The following CACNA2D3 variants were observed in gnomAD, a reference collection of about 807,000 sequenced individuals.
CACNA2D3 encodes calcium voltage-gated channel auxiliary subunit alpha2delta 3.
CACNA2D3 carries 60 observed loss-of-function variants against 160.6 expected under a neutral mutation model. The ratio of observed to expected loss-of-function variants is 0.37; its 90% CI spans 0.30 to 0.46. The LOEUF is 0.46. CACNA2D3 is among the 20% of genes least tolerant of loss of function. CACNA2D3 has a pLI of 1.00. For synonymous variants in CACNA2D3, 558 were observed against 492.9 expected, an observed-to-expected ratio of 1.13 and a Z score of -1.75; for missense variants, 1,205 against 1,365.0, an observed-to-expected ratio of 0.88 and a Z score of 1.85.
chr3:54,489,497 T>C (rs1030807177), intron 4 of CACNA2D3, among the ~76,000 whole-genome samples: 7 of 152,222 alleles, frequency 4.6e-5, no homozygotes, highest in African/African-American at 1.2e-4. Context: ...CAATCTAATA[T>C]TGTGTGCCAG....
intron 14 of CACNA2D3, among the ~76,000 whole-genome samples, chr3:54,817,637 A>G (rs745887755): frequency 3.9e-5 from 6 of 152,224 alleles, no homozygotes; most frequent in Non-Finnish European, 5.9e-5. Flanking sequence ...GAGTCAAGGT[A>G]GGGCACCCCC....
chr3:54,891,897 C>G lies in CACNA2D3; in HGVS notation c.2246+447C>G, dbSNP rs150695551. On this transcript the variant is annotated intron_variant, in intron 25 of 37. Transcript: ENST00000474759. ...TTTACATTTTACTAATAAACCTCTG[C>G]CTCTGTGCTTAGCCTGAGGGGCTGC... Among the ~76,000 whole-genome samples the G allele has an allele frequency of 3.6e-3, 544 of 152,330 alleles. 4 individuals carry two copies. Among genetic ancestry groups the G allele is most frequent in the African/African-American group, 0.012 (501 of 41,582 alleles).
At chr3:54,915,766 G>A (rs1700647872) in intron 27 of CACNA2D3, among the ~76,000 whole-genome samples, 1 of 152,216 alleles carries the variant, frequency 6.6e-6, no homozygotes, top group Admixed American at 6.5e-5. Context: ...TTCAGGGTAA[G>A]TAATTATTTT....
intron 4 of CACNA2D3, among the ~76,000 whole-genome samples, chr3:54,487,736 T>C (rs963447623): frequency 6.6e-6 from 1 of 152,220 alleles, no homozygotes; most frequent in African/African-American, 2.4e-5. Context: ...GGGCCTGTTG[T>C]TCAGTATGGT....
At chr3:54,416,787 CTA>C (rs1480168674) in intron 4 of CACNA2D3, among the ~76,000 whole-genome samples, 1 of 152,014 alleles carries the variant, frequency 6.6e-6, no homozygotes, top group Non-Finnish European at 1.5e-5. Context: ...AAATATATAA[CTA>C]TACAATTAAT....
At chr3:54,886,748 A>G (rs1165567638) in intron 23 of CACNA2D3, among the ~76,000 whole-genome samples, 1 of 151,864 alleles carries the variant, frequency 6.6e-6, no homozygotes, top group Non-Finnish European at 1.5e-5. Context: ...TATAATACAT[A>G]CAATATGTGT....
chr3:54,585,875 C>T (rs1308279223), intron 9 of CACNA2D3, among the ~76,000 whole-genome samples: 1 of 152,072 alleles, frequency 6.6e-6, no homozygotes, highest in African/African-American at 2.4e-5. Flanking sequence ...TTTAAGTGTT[C>T]TTAAGACCAT....
intron 14 of CACNA2D3, among the ~76,000 whole-genome samples, chr3:54,830,532 G>A (rs142788527): frequency 8.1e-4 from 121 of 149,292 alleles, no homozygotes; most frequent in African/African-American, 2.8e-3. Context: ...TGCTGCAACC[G>A]TCACCTCCTG....
At chr3:54,708,062 C>T in intron 11 of CACNA2D3, among the ~76,000 whole-genome samples, 1 of 151,984 alleles carries the variant, frequency 6.6e-6, no homozygotes, top group Non-Finnish European at 1.5e-5. Flanking sequence ...TATGGTCTGG[C>T]AAGGTAATTG....
At chr3:54,837,860 G>A (rs1003077249) in intron 15 of CACNA2D3, among the ~76,000 whole-genome samples, 2 of 152,238 alleles carry the variant, frequency 1.3e-5, no homozygotes, top group South Asian at 2.1e-4. Flanking sequence ...CTAAATCCAC[G>A]ATGATTTCAT....
intron 9 of CACNA2D3, among the ~76,000 whole-genome samples, chr3:54,587,590 A>C (rs935174937): frequency 6.6e-6 from 1 of 152,102 alleles, no homozygotes; most frequent in Non-Finnish European, 1.5e-5. Flanking sequence ...AAAAAATAAA[A>C]AGAGAGAAGA....
chr3:54,164,429 C>G, intron 2 of CACNA2D3, among the ~76,000 whole-genome samples: 1 of 152,242 alleles, frequency 6.6e-6, no homozygotes, highest in South Asian at 2.1e-4. Flanking sequence ...CACAGCTGCC[C>G]TGAGCTCCAC....
intron 4 of CACNA2D3, among the ~76,000 whole-genome samples, chr3:54,487,751 A>G (rs1701038550): frequency 6.6e-6 from 1 of 152,274 alleles, no homozygotes; most frequent in African/African-American, 2.4e-5. Context: ...TATGGTAGCC[A>G]CAAGCCATGG....
intron 11 of CACNA2D3, among the ~76,000 whole-genome samples, chr3:54,678,835 A>T (rs1700292425): frequency 6.6e-6 from 1 of 151,968 alleles, no homozygotes; most frequent in Admixed American, 6.6e-5. Flanking sequence ...TTAAATGATA[A>T]TGAATTAAAG....
chr3:54,745,617 G>T (rs1397794970), intron 11 of CACNA2D3, among the ~76,000 whole-genome samples: 1 of 152,192 alleles, frequency 6.6e-6, no homozygotes, highest in East Asian at 1.9e-4. Flanking sequence ...ACACCTTTAA[G>T]GATGTTTGCA....
chr3:54,135,383 A>G (rs553470822), intron 2 of CACNA2D3, among the ~76,000 whole-genome samples: 1 of 152,266 alleles, frequency 6.6e-6, no homozygotes, highest in South Asian at 2.1e-4. Flanking sequence ...AGTGGCCATC[A>G]AGTGAGTTTG....
intron 17 of CACNA2D3, among the ~76,000 whole-genome samples, chr3:54,851,012 A>T (rs113380983): frequency 0.01 from 1,559 of 152,370 alleles, 36 homozygotes; most frequent in African/African-American, 0.035. Context: ...GATGTGCCCT[A>T]CCTCCAATAA....
chr3:54,729,951 A>C (rs1173256032), intron 11 of CACNA2D3, among the ~76,000 whole-genome samples: 2 of 149,124 alleles, frequency 1.3e-5, no homozygotes, highest in Non-Finnish European at 3.0e-5. Context: ...GTGAGCTGAG[A>C]TCACACCACT....
chr3:54,628,718 G>A (rs1699174135), intron 10 of CACNA2D3, among the ~76,000 whole-genome samples: 1 of 152,144 alleles, frequency 6.6e-6, no homozygotes, highest in South Asian at 2.1e-4. Flanking sequence ...GCAATTGATG[G>A]CATAAGGGAT....
Sources: gnomAD v4.1 joint callset for allele counts (sites outside exome capture counted in the v4.1 genomes callset) on GRCh38, gnomAD v4.1.1 for gene constraint, MANE v1.5 for transcripts, NCBI Gene and HGNC (gene_info 2026-07-23, HGNC 2026-07-21) for gene names.